FGF12: variants seen among roughly 807,000 people sequenced by gnomAD.
FGF12 encodes the protein fibroblast growth factor 12, also known as fibroblast growth factor 12B.
Under a neutral mutation model 23.6 loss-of-function variants are expected in FGF12, and 14 were observed. The ratio of observed to expected loss-of-function variants is 0.59; its 90% confidence interval spans 0.39 to 0.93. The LOEUF (loss-of-function observed/expected upper bound fraction) is 0.93, where lower values mean the gene tolerates loss of function less well. Ranked by LOEUF, FGF12 falls within the 40% of genes least tolerant of loss-of-function variation. The pLI, the probability that FGF12 is intolerant of heterozygous loss-of-function variation, is 0.00. For synonymous variants in FGF12, 62 were observed against 77.3 expected, an observed-to-expected ratio of 0.80 and a Z score of 1.04; for missense variants, 175 against 217.8, an observed-to-expected ratio of 0.80 and a Z score of 1.24.
At chr3:192,704,689 C>T (rs1718411008) in intron 2 of FGF12, among the ~76,000 whole-genome samples, 1 of 152,226 alleles carries the variant, frequency 6.6e-6, no homozygotes, top group South Asian at 2.1e-4. Flanking sequence ...TGAAGCCAGA[C>T]ATTGACTTCT....
intron 2 of FGF12, among the ~76,000 whole-genome samples, chr3:192,588,333 G>A (rs1713465369): frequency 2.2e-5 from 2 of 89,876 alleles, no homozygotes; most frequent in South Asian, 3.7e-4. Flanking sequence ...CTGGGCGACA[G>A]AGCAACAATC....
At chr3:192,712,002 T>C (rs1718704042) in intron 2 of FGF12, among the ~76,000 whole-genome samples, 1 of 144,972 alleles carries the variant, frequency 6.9e-6, no homozygotes. Context: ...TTAGAAAATA[T>C]CGCATCTGTG....
intron 2 of FGF12, among the ~76,000 whole-genome samples, chr3:192,494,684 C>G (rs979378535): frequency 6.6e-6 from 1 of 152,104 alleles, no homozygotes; most frequent in South Asian, 2.1e-4. Context: ...ATGGTACAAC[C>G]TACTGTATCA....
chr3:192,400,676 ACATT>A (rs1720724093), intron 2 of FGF12, among the ~76,000 whole-genome samples: 1 of 152,100 alleles, frequency 6.6e-6, no homozygotes, highest in African/African-American at 2.4e-5. Flanking sequence ...CCCCACCTTC[ACATT>A]CTATAGTGTT....
At chr3:192,322,832 T>C (rs1369475134) in intron 4 of FGF12, among the ~76,000 whole-genome samples, 1 of 152,174 alleles carries the variant, frequency 6.6e-6, no homozygotes, top group Non-Finnish European at 1.5e-5. Context: ...TCTCTTGTCA[T>C]GGACAAAAAT....
At chr3:192,202,244 T>A (rs1041612702) in intron 4 of FGF12, among the ~76,000 whole-genome samples, 2 of 152,158 alleles carry the variant, frequency 1.3e-5, no homozygotes, top group African/African-American at 4.8e-5. Context: ...ATTGAGGAAG[T>A]GGCACAGTTC....
At chr3:192,199,641 G>C (rs1319648238) in intron 4 of FGF12, among the ~76,000 whole-genome samples, 1 of 152,302 alleles carries the variant, frequency 6.6e-6, no homozygotes, top group Admixed American at 6.5e-5. Context: ...TTGGCCATCT[G>C]AGAAAAGCTA....
intron 4 of FGF12, among the ~76,000 whole-genome samples, chr3:192,173,520 C>T (rs1268823541): frequency 1.4e-5 from 2 of 139,176 alleles, no homozygotes; most frequent in Non-Finnish European, 3.3e-5. Flanking sequence ...ATATTAAGTT[C>T]TGTTTTTTTC....
chr3:192,649,746 A>C (rs956275421), intron 2 of FGF12, among the ~76,000 whole-genome samples: 1 of 150,718 alleles, frequency 6.6e-6, no homozygotes, highest in Non-Finnish European at 1.5e-5. Flanking sequence ...TTTTTTGTGG[A>C]GATGGGGTTT....
chr3:192,384,024 C>G (rs1719936276), intron 2 of FGF12, among the ~76,000 whole-genome samples: 1 of 152,050 alleles, frequency 6.6e-6, no homozygotes, highest in Admixed American at 6.5e-5. Context: ...AAGGAGAAAC[C>G]AGAAAAATGG....
intron 2 of FGF12, among the ~76,000 whole-genome samples, chr3:192,723,848 T>G (rs1719115943): frequency 2.6e-5 from 2 of 76,838 alleles, no homozygotes; most frequent in Non-Finnish European, 2.3e-5. Flanking sequence ...GAGGTGAGAG[T>G]GTGTGTGTGT....
chr3:192,212,657 A>G (rs1276852706), intron 4 of FGF12, among the ~76,000 whole-genome samples: 4 of 152,122 alleles, frequency 2.6e-5, no homozygotes, highest in Non-Finnish European at 5.9e-5. Flanking sequence ...TAAACCTTTT[A>G]TCCTGCCTGG....
At chr3:192,292,589 T>C (rs1714815618) in intron 4 of FGF12, among the ~76,000 whole-genome samples, 1 of 152,156 alleles carries the variant, frequency 6.6e-6, no homozygotes, top group Non-Finnish European at 1.5e-5. Context: ...TGCATACAAT[T>C]GCTTTAAGTC....
At chr3:192,147,675 A>C (rs551841426) in intron 5 of FGF12, among the ~76,000 whole-genome samples, 1 of 152,316 alleles carries the variant, frequency 6.6e-6, no homozygotes, top group African/African-American at 2.4e-5. Flanking sequence ...TAAATATAAA[A>C]GAAATTAAGC....
chr3:192,215,360 G>A (rs898020064), intron 4 of FGF12, among the ~76,000 whole-genome samples: 1 of 152,130 alleles, frequency 6.6e-6, no homozygotes, highest in Non-Finnish European at 1.5e-5. Context: ...ATTTAAAGAA[G>A]TCTTTCTTAC....
At chr3:192,669,244 T>C (rs1717013667) in intron 2 of FGF12, among the ~76,000 whole-genome samples, 1 of 152,130 alleles carries the variant, frequency 6.6e-6, no homozygotes. Flanking sequence ...TGGCTAGGAC[T>C]TTTCCAGAAA....
rs528818200 is a variant in FGF12 at position 192,345,041 on chromosome 3, T to C, written c.125-9577A>G. Among the ~76,000 whole-genome samples, 3 of 152,294 alleles carry C rather than the reference T, an allele frequency of 2.0e-5. No homozygotes were observed. The South Asian group carries it at 6.2e-4, about 32-fold the overall frequency. On this transcript the variant is annotated intron_variant, in intron 3 of 5. Transcript: ENST00000445105. ...TCTTCCAAGAAATCTTTGCATGTTTTGAAGCTTTTAGATTTGCATCCTCTA... is the reference window on the plus strand; with the variant it reads ...TCTTCCAAGAAATCTTTGCATGTTTCGAAGCTTTTAGATTTGCATCCTCTA...
intron 2 of FGF12, among the ~76,000 whole-genome samples, chr3:192,458,434 C>T (rs1263991980): frequency 6.6e-6 from 1 of 152,226 alleles, no homozygotes; most frequent in Non-Finnish European, 1.5e-5. Flanking sequence ...GGAAACCCAC[C>T]TCTTGCATCA....
chr3:192,701,494 C>T (rs571902056), intron 2 of FGF12, among the ~76,000 whole-genome samples: 6 of 152,264 alleles, frequency 3.9e-5, no homozygotes, highest in African/African-American at 1.4e-4. Context: ...TTAAACACCA[C>T]ATTAATTATT....
Sources: allele counts gnomAD v4.1 joint callset (sites outside exome capture counted in the v4.1 genomes callset), GRCh38; gene constraint gnomAD v4.1.1; transcripts MANE v1.5; gene names NCBI Gene and HGNC (gene_info 2026-07-23, HGNC 2026-07-21).